NEBL: variants seen among roughly 807,000 people sequenced by gnomAD.
NEBL encodes the protein nebulette.
In NEBL, 122 loss-of-function variants were observed where a neutral mutation model predicts 140.2. The observed-to-expected ratio is 0.87, with a 90% CI of 0.75 to 1.01. NEBL has a LOEUF of 1.01. Among genes scored for constraint, NEBL ranks in the 50% least tolerant of loss-of-function variants. The pLI is 0.00. For synonymous variants in NEBL, 436 were observed against 398.9 expected (o/e 1.09, Z -1.11); for missense variants, 1,365 against 1,231.3 (o/e 1.11, Z -1.62).
chr10:20,908,728 T>G (rs1848203483), intron 4 of NEBL, among the ~76,000 whole-genome samples: 1 of 152,210 alleles, frequency 6.6e-6, no homozygotes, highest in East Asian at 1.9e-4. Flanking sequence ...GGTAAGCTGA[T>G]AGCAGCCAGC....
intron 2 of NEBL, among the ~76,000 whole-genome samples, chr10:21,119,568 T>A (rs1838433519): frequency 6.6e-6 from 1 of 150,624 alleles, no homozygotes; most frequent in African/African-American, 2.5e-5. Context: ...TATAAATGAA[T>A]ATTACCATAC....
chr10:21,058,542 G>A (rs940395536), intron 2 of NEBL, among the ~76,000 whole-genome samples: 6 of 152,012 alleles, frequency 3.9e-5, no homozygotes, highest in Middle Eastern at 3.4e-3. Context: ...TGACAGTGTA[G>A]ATAAAGTTTT....
At chr10:21,282,572 C>A (rs1309187869) in intron 1 of NEBL, among the ~76,000 whole-genome samples, 3 of 152,064 alleles carry the variant, frequency 2.0e-5, no homozygotes, top group Non-Finnish European at 4.4e-5. Flanking sequence ...TCAGCTGGAG[C>A]CTGAGGAACA....
chr10:21,125,861 T>C, intron 2 of NEBL: 2 of 1,613,706 alleles, frequency 1.2e-6, no homozygotes, highest in Non-Finnish European at 1.7e-6. Flanking sequence ...TTAGATACGT[T>C]GAACTTTTCT....
In NEBL at chr10:21,200,566, G is replaced by A. The variant is rs144829487; in HGVS notation, n.349-28089C>T. 8.9e-3 allele frequency among the ~76,000 whole-genome samples: 1,353 copies of A among 152,130 alleles called. 19 individuals carry two copies. The highest frequency in any genetic ancestry group is 0.031 in the African/African-American group (1,291 of 41,510). On this transcript the variant is annotated intron_variant and non_coding_transcript_variant, in intron 3 of 8. Transcript: ENST00000675702. Reference sequence around the variant, plus strand: ...TTACCTCAGATGATCCACCTGCCTCGGCCTCCCAAAGTGCTGGGATTATAG... The same window carrying A: ...TTACCTCAGATGATCCACCTGCCTCAGCCTCCCAAAGTGCTGGGATTATAG...
chr10:20,935,759 T>G (rs1243486107), intron 4 of NEBL, among the ~76,000 whole-genome samples: 1 of 152,182 alleles, frequency 6.6e-6, no homozygotes, highest in Non-Finnish European at 1.5e-5. Flanking sequence ...CTAAAAATCT[T>G]AGGGTCCTGA....
intron 1 of NEBL, among the ~76,000 whole-genome samples, chr10:21,268,427 G>A (rs1439483689): frequency 6.6e-6 from 1 of 152,202 alleles, no homozygotes; most frequent in Non-Finnish European, 1.5e-5. Flanking sequence ...AGGCTGCAGA[G>A]AGCTGTGTTC....
At chr10:21,009,774 C>T (rs938693688) in intron 3 of NEBL, among the ~76,000 whole-genome samples, 10 of 152,058 alleles carry the variant, frequency 6.6e-5, no homozygotes, top group Non-Finnish European at 8.8e-5. Flanking sequence ...CAGAGAATTC[C>T]GGTGGGAAGG....
Position 20,812,974 on chromosome 10 carries a change from C to T in NEBL, c.2347-34G>A, listed in dbSNP as rs199532962. On this transcript the variant is annotated intron_variant, in intron 23 of 27. Transcript: ENST00000377122. ...GGAAAAATCATCATACTGAATTTTG[C>T]GGATAGTTACCTCTTTCACAACATT... The T allele has an allele frequency of 3.9e-4, 606 of 1,568,086 alleles. 2 individuals are homozygous for T. Among genetic ancestry groups the T allele is most frequent in the Admixed American group, 9.2e-4 (55 of 59,752 alleles).
chr10:21,281,099 G>T (rs1030053540), intron 1 of NEBL, among the ~76,000 whole-genome samples: 1 of 152,200 alleles, frequency 6.6e-6, no homozygotes, highest in Non-Finnish European at 1.5e-5. Context: ...AAGCACAAAT[G>T]CTCTTCCAAA....
intron 2 of NEBL, among the ~76,000 whole-genome samples, chr10:21,039,148 G>T (rs1272867677): frequency 8.2e-6 from 1 of 122,108 alleles, no homozygotes; most frequent in Non-Finnish European, 1.6e-5. Flanking sequence ...TGGGTTACTT[G>T]CATAAATTTT....
chr10:21,015,126 G>A (rs940568715), intron 3 of NEBL, among the ~76,000 whole-genome samples: 6 of 152,122 alleles, frequency 3.9e-5, no homozygotes, highest in Non-Finnish European at 7.3e-5. Context: ...AAACAACTAA[G>A]TGGGCAGTAG....
At chr10:21,050,353 A>C (rs1834719397) in intron 2 of NEBL, among the ~76,000 whole-genome samples, 1 of 152,168 alleles carries the variant, frequency 6.6e-6, no homozygotes, top group Non-Finnish European at 1.5e-5. Flanking sequence ...AAACACATTA[A>C]AATCAATTCT....
At chr10:20,897,328 C>A, upstream of NEBL, 1 of 1,491,650 alleles carries the variant, frequency 6.7e-7, no homozygotes, top group East Asian at 2.5e-5. Context: ...GCCCAAGCCT[C>A]AGCCCTATTT....
At chr10:21,192,645 G>A (rs998659392) in intron 3 of NEBL, among the ~76,000 whole-genome samples, 4 of 151,448 alleles carry the variant, frequency 2.6e-5, no homozygotes, top group African/African-American at 9.7e-5. Context: ...AGGAGTTCGA[G>A]ACCAGCCTGG....
At position 20,883,849 on chromosome 10, in the gene NEBL, G is replaced by A. The variant is rs1022748569; in HGVS notation, c.370-2945C>T. ...TAACATCGTCATTTCATTTACAGCC[G>A]CTACTAAGTACCACTTTAGAATTAA... On this transcript the variant is annotated intron_variant, in intron 4 of 27. Transcript: ENST00000377122. 5.3e-5 allele frequency among the ~76,000 whole-genome samples: 8 copies of A among 152,234 alleles called. No individual in the cohort carries two copies. The East Asian group carries it at 9.7e-4, about 18-fold the overall frequency.
chr10:20,853,588 A>C (rs1443988837), intron 9 of NEBL, among the ~76,000 whole-genome samples: 1 of 152,192 alleles, frequency 6.6e-6, no homozygotes, highest in African/African-American at 2.4e-5. Context: ...GTTCTCACTC[A>C]TATGTGGGAG....
chr10:21,177,410 G>T (rs1589316721), upstream of NEBL, among the ~76,000 whole-genome samples: 1 of 152,160 alleles, frequency 6.6e-6, no homozygotes, highest in South Asian at 2.1e-4. Context: ...GGATTGTTTT[G>T]TTACTGCAGC....
chr10:21,055,184 A>G (rs1232204658), intron 2 of NEBL, among the ~76,000 whole-genome samples: 1 of 152,208 alleles, frequency 6.6e-6, no homozygotes, highest in Non-Finnish European at 1.5e-5. Flanking sequence ...GCATTGTAAC[A>G]AGTTATAACC....
Sources: allele counts gnomAD v4.1 joint callset (sites outside exome capture counted in the v4.1 genomes callset), GRCh38; gene constraint gnomAD v4.1.1; transcripts MANE v1.5; gene names NCBI Gene and HGNC (gene_info 2026-07-23, HGNC 2026-07-21).